OAF: variants seen among roughly 807,000 people sequenced by gnomAD.
OAF encodes out at first homolog, also known as out at first protein homolog.
OAF carries 13 observed loss-of-function variants against 22.5 expected under a neutral mutation model. The observed-to-expected ratio is 0.58, with a 90% CI of 0.38 to 0.92. The LOEUF is 0.92. Among genes scored for constraint, OAF ranks in the 40% least tolerant of loss-of-function variants. The pLI, the probability that OAF is intolerant of heterozygous loss-of-function variation, is 0.00. For missense variants in OAF, 347 were observed against 381.8 expected, an observed-to-expected ratio of 0.91 and a Z score of 0.76; for synonymous variants, 175 against 170.5, an observed-to-expected ratio of 1.03 and a Z score of -0.21.
chr11:120,214,263 G>A (rs1280114316), intron 1 of OAF, among the ~76,000 whole-genome samples: 1 of 152,128 alleles, frequency 6.6e-6, no homozygotes, highest in African/African-American at 2.4e-5. Context: ...CTATAAAATG[G>A]GGATAATAAT....
At chr11:120,215,105 G>C (rs2135089753) in intron 1 of OAF, among the ~76,000 whole-genome samples, 1 of 152,232 alleles carries the variant, frequency 6.6e-6, no homozygotes, top group Admixed American at 6.5e-5. Flanking sequence ...CAGCACTTTG[G>C]GAGGCTGAGG....
chr11:120,226,589 G>A (rs983687832), intron 2 of OAF, among the ~76,000 whole-genome samples: 1 of 152,250 alleles, frequency 6.6e-6, no homozygotes, highest in African/African-American at 2.4e-5. Context: ...CCAGTGGCCA[G>A]CACATAGTTT....
intron 1 of OAF, among the ~76,000 whole-genome samples, chr11:120,222,531 G>C (rs1938293017): frequency 6.6e-6 from 1 of 151,866 alleles, no homozygotes; most frequent in African/African-American, 2.4e-5. Context: ...ACTCCAGCCT[G>C]GGTGACGGAA....
chr11:120,222,934 CAA>C (rs1290906525), intron 1 of OAF, among the ~76,000 whole-genome samples: 1 of 136,014 alleles, frequency 7.4e-6, no homozygotes, highest in Non-Finnish European at 1.6e-5. Context: ...AAACAAAAAA[CAA>C]AAAAAGAAGT....
chr11:120,218,055 T>C (rs970000030), intron 1 of OAF, among the ~76,000 whole-genome samples: 1 of 152,162 alleles, frequency 6.6e-6, no homozygotes, highest in African/African-American at 2.4e-5. Context: ...TGGGGCGCAG[T>C]TGATCCACAT....
intron 1 of OAF, among the ~76,000 whole-genome samples, chr11:120,224,184 T>C (rs1182793624): frequency 6.6e-6 from 1 of 152,212 alleles, no homozygotes; most frequent in Non-Finnish European, 1.5e-5. Context: ...AACCTCCCCC[T>C]ATACTTCCAT....
intron 3 of OAF, among the ~76,000 whole-genome samples, chr11:120,228,090 T>TG (rs1475615242): frequency 8.2e-4 from 10 of 12,186 alleles, no homozygotes. Context: ...CAGATGTCAC[T>TG]TTTTTTTTTT....
chr11:120,223,750 G>A (rs573568813), intron 1 of OAF, among the ~76,000 whole-genome samples: 3 of 152,310 alleles, frequency 2.0e-5, no homozygotes, highest in South Asian at 2.1e-4. Context: ...CTGCACCTGC[G>A]GTATTGGAGA....
rs1210975047 is a variant in OAF, at chr11:120,211,071, C to A, written c.-209C>A. ...CCGCGGAGCCGGGCCGGGGCAGCGC[C>A]GTCTCCGCCTCGGGGCCGCCGGGGG... is the stretch of plus-strand genomic sequence containing the variant. On this transcript the variant is annotated 5_prime_UTR_variant, in exon 1 of 4. Coordinates refer to ENST00000328965, the MANE Select transcript of OAF (RefSeq NM_178507.4). 3 of 183,496 alleles carry A rather than the reference C, an allele frequency of 1.6e-5. No homozygotes were observed. The highest frequency in any genetic ancestry group is 2.4e-5 in the African/African-American group (1 of 41,994). The allele number at this position is 183,496 out of a possible 1,614,324, so 11.4% of individuals were successfully genotyped here.
At chr11:120,218,971 A>G (rs1011312971) in intron 1 of OAF, among the ~76,000 whole-genome samples, 1 of 151,186 alleles carries the variant, frequency 6.6e-6, no homozygotes, top group Admixed American at 6.6e-5. Flanking sequence ...GTGCCTGCAC[A>G]TGCACGCATG....
intron 1 of OAF, among the ~76,000 whole-genome samples, chr11:120,222,631 A>C (rs1430305104): frequency 1.4e-5 from 2 of 144,844 alleles, no homozygotes; most frequent in Non-Finnish European, 3.0e-5. Context: ...GTCCTGGCAG[A>C]GGCCGGGTGC....
chr11:120,211,398 A>G lies in OAF; in HGVS notation c.119A>G (p.Asp40Gly). ...AELRVRVRLP[D>G]GQVTEESLQA... ...CTGCGGGTCCGCGTGCGGCTGCCGG[A>G]CGGCCAGGTGACCGAGGAGAGCCTG... The change falls in exon 1 of 4, where the codon GAC becomes GGC. Residue 40 changes from aspartate (D) to glycine (G), a missense_variant. Coordinates refer to ENST00000328965, the MANE Select transcript of OAF (RefSeq NM_178507.4). 8 of 1,494,070 alleles carry G rather than the reference A, an allele frequency of 5.4e-6. No individual in the cohort carries two copies. The highest frequency in any genetic ancestry group is 7.2e-6 in the Non-Finnish European group (8 of 1,117,698). 92.6% of individuals were successfully genotyped at this position (1,494,070 alleles called of 1,614,324 possible). A position where few individuals can be genotyped will look rare whatever the true frequency, so the allele number is the denominator to read the frequency against.
Position 120,211,167 on chromosome 11 carries a change from G to T in OAF, c.-113G>T. The T allele has an allele frequency of 2.1e-6, 1 of 486,986 alleles. No individual in the cohort carries two copies. Among genetic ancestry groups the T allele is most frequent in the Non-Finnish European group, 3.0e-6 (1 of 338,576 alleles). The allele number at this position is 486,986 out of a possible 1,614,324, so 30.2% of individuals were successfully genotyped here. Reference sequence around the variant, plus strand: ...CGACCCCGCGGCCAAGGCCCCCGGCGGAGCGGCTCCCGGGCGCCCCGAACT... The same window carrying T: ...CGACCCCGCGGCCAAGGCCCCCGGCTGAGCGGCTCCCGGGCGCCCCGAACT... On this transcript the variant is annotated 5_prime_UTR_variant, in exon 1 of 4. Coordinates refer to ENST00000328965, the MANE Select transcript of OAF (RefSeq NM_178507.4).
chr11:120,223,365 A>T (rs1938306723), intron 1 of OAF, among the ~76,000 whole-genome samples: 1 of 152,212 alleles, frequency 6.6e-6, no homozygotes, highest in African/African-American at 2.4e-5. Flanking sequence ...GGTAACAATC[A>T]TAGCTCCTAC....
Position 120,228,865 on chromosome 11 carries a change from C to T in OAF, c.548-3C>T, listed in dbSNP as rs373456566. The T allele has an allele frequency of 2.6e-6, 4 of 1,561,266 alleles. No individual in the cohort carries two copies. The highest frequency in any genetic ancestry group is 3.4e-5 in the Admixed American group (2 of 59,158). On this transcript the variant is annotated splice_region_variant and splice_polypyrimidine_tract_variant and intron_variant, in intron 3 of 3. Coordinates refer to ENST00000328965, the MANE Select transcript of OAF (RefSeq NM_178507.4). ...CTCCCTGATCCTTGCCTCTCTCCCC[C>T]AGGTGTGGACAGTTCTGTGTTCGAG...
rs200035341 is a variant in OAF, at chr11:120,226,830, A to T, written c.381A>T (p.Ala127=). The T allele has an allele frequency of 3.1e-6, 5 of 1,598,406 alleles. No homozygotes were observed. The African/African-American group carries it at 6.7e-5, about 21-fold the overall frequency. The change falls in exon 3 of 4, where the codon GCA becomes GCT. Residue 127 remains alanine (A), a synonymous_variant. Transcript: ENST00000328965. ...CCCACACACAGAAAAATCCCCGGGC[A>T]GTGCGGCAGGCGGAGGAGGTTCGGG... ...MAKLRQKNPR[A]VRQAEEVRGL... is the part of the protein sequence containing the mutation.
intron 1 of OAF, among the ~76,000 whole-genome samples, chr11:120,223,576 C>T (rs1399257343): frequency 2.0e-5 from 3 of 152,156 alleles, no homozygotes; most frequent in Admixed American, 2.0e-4. Flanking sequence ...TTGTTATTGT[C>T]ATTGATGACA....
In OAF at chr11:120,211,204, T is replaced by G; in HGVS notation, c.-76T>G. ...GGGCGCCCCGAACTAGCCCCCAACT[T>G]TGGGCGAAGTTTGCCTGCGCCTCTC... On this transcript the variant is annotated 5_prime_UTR_variant, in exon 1 of 4. Transcript: ENST00000328965. The G allele has an allele frequency of 9.7e-7, 1 of 1,026,760 alleles. No individual in the cohort carries two copies. The highest frequency in any genetic ancestry group is 1.2e-6 in the Non-Finnish European group (1 of 825,010). 63.6% of individuals were successfully genotyped at this position (1,026,760 alleles called of 1,614,324 possible).
rs909039715 is a variant in OAF, at chr11:120,211,357, G to C, written c.78G>C (p.Thr26=). The C allele has an allele frequency of 4.8e-6, 7 of 1,444,080 alleles. No homozygotes were observed. The highest frequency in any genetic ancestry group is 4.5e-5 in the African/African-American group (3 of 67,368). 89.5% of individuals were successfully genotyped at this position (1,444,080 alleles called of 1,614,324 possible). Residue 26 remains threonine, a synonymous_variant, in exon 1 of 4, where the codon ACG becomes ACC. Transcript: ENST00000328965. ...CGCTGCTCGCGCCGCTGCTGGGAAC[G>C]GGTGCGCCGGCCGAGCTGCGGGTCC... The part of the protein sequence containing the change: ...LLPLLAPLLG[T]GAPAELRVRV...
Sources: gnomAD v4.1 joint callset for allele counts (sites outside exome capture counted in the v4.1 genomes callset) on GRCh38, gnomAD v4.1.1 for gene constraint, MANE v1.5 for transcripts, NCBI Gene and HGNC (gene_info 2026-07-23, HGNC 2026-07-21) for gene names.